MAGI2: variants seen among roughly 807,000 people sequenced by gnomAD.
The protein encoded by MAGI2 is membrane associated guanylate kinase, WW and PDZ domain containing 2, also known as membrane-associated guanylate kinase, WW and PDZ domain-containing protein 2.
Under a neutral mutation model 133.3 loss-of-function variants are expected in MAGI2, and 35 were observed. The observed-to-expected ratio is 0.26, with a 90% CI of 0.20 to 0.35. MAGI2 has a LOEUF of 0.35. MAGI2 is among the 10% of genes least tolerant of loss of function. The probability of loss-of-function intolerance (pLI) is 1.00; values close to 1 mark genes in which losing one functional copy is unlikely to be tolerated. For synonymous variants in MAGI2, 729 were observed against 710.6 expected (o/e 1.03, Z -0.41); for missense variants, 1,636 against 1,863.4 (o/e 0.88, Z 2.25).
intron 1 of MAGI2, among the ~76,000 whole-genome samples, chr7:79,036,239 A>G (rs1237858395): frequency 6.6e-6 from 1 of 152,218 alleles, no homozygotes; most frequent in Non-Finnish European, 1.5e-5. Context: ...AGGTAAGCAA[A>G]GCCAGCAAGT....
At chr7:78,607,212 G>A (rs1805909720) in intron 3 of MAGI2, among the ~76,000 whole-genome samples, 1 of 152,158 alleles carries the variant, frequency 6.6e-6, no homozygotes, top group Non-Finnish European at 1.5e-5. Context: ...CTGCAGAGGT[G>A]AGAGAAAACA....
intron 1 of MAGI2, among the ~76,000 whole-genome samples, chr7:79,083,577 G>C (rs1816239418): frequency 6.6e-6 from 1 of 151,600 alleles, no homozygotes. Flanking sequence ...AAATTTGCTA[G>C]TATTTTCTGA....
chr7:78,074,826 T>C (rs1461541965), intron 21 of MAGI2, among the ~76,000 whole-genome samples: 1 of 152,164 alleles, frequency 6.6e-6, no homozygotes, highest in Non-Finnish European at 1.5e-5. Flanking sequence ...GGGCACTCCT[T>C]GTATGTAGTG....
chr7:78,361,005 T>C (rs1792723108), intron 7 of MAGI2, among the ~76,000 whole-genome samples: 1 of 152,168 alleles, frequency 6.6e-6, no homozygotes, highest in African/African-American at 2.4e-5. Flanking sequence ...CCAGGAAGTT[T>C]CCCTGCTTCT....
At chr7:78,136,373 G>T (rs1194359149) in intron 16 of MAGI2, among the ~76,000 whole-genome samples, 1 of 152,110 alleles carries the variant, frequency 6.6e-6, no homozygotes, top group Non-Finnish European at 1.5e-5. Flanking sequence ...GCCTGCCTCG[G>T]CCTCCCAAAG....
At chr7:79,324,065 C>T (rs1481731954) in intron 1 of MAGI2, among the ~76,000 whole-genome samples, 2 of 152,044 alleles carry the variant, frequency 1.3e-5, no homozygotes, top group South Asian at 2.1e-4. Flanking sequence ...AGGGCAAATC[C>T]TCTTACAGCA....
At chr7:78,532,261 C>T (rs1330542487) in intron 3 of MAGI2, among the ~76,000 whole-genome samples, 3 of 152,102 alleles carry the variant, frequency 2.0e-5, no homozygotes, top group Admixed American at 6.5e-5. Flanking sequence ...ATTAGAAAGC[C>T]CTGAATTGAC....
chr7:78,876,005 A>G (rs1795388334), intron 2 of MAGI2, among the ~76,000 whole-genome samples: 1 of 152,190 alleles, frequency 6.6e-6, no homozygotes. Context: ...GAAACATGAT[A>G]TTACAAAATA....
chr7:79,395,764 G>A (rs1357491724), intron 1 of MAGI2, among the ~76,000 whole-genome samples: 4 of 152,068 alleles, frequency 2.6e-5, no homozygotes, highest in Non-Finnish European at 5.9e-5. Context: ...TATGACACCT[G>A]CAGCTAGACC....
chr7:79,376,967 A>C (rs948165682), intron 1 of MAGI2, among the ~76,000 whole-genome samples: 1 of 151,786 alleles, frequency 6.6e-6, no homozygotes, highest in African/African-American at 2.4e-5. Flanking sequence ...TGCTTGGTAG[A>C]GTCTACTAGG....
At chr7:79,205,753 A>T (rs970384823) in intron 1 of MAGI2, among the ~76,000 whole-genome samples, 3 of 141,212 alleles carry the variant, frequency 2.1e-5, no homozygotes, top group African/African-American at 9.5e-5. Context: ...AAAAATGTAG[A>T]GGGGTGTGTG....
chr7:79,407,074 C>T (rs1845854595), intron 1 of MAGI2, among the ~76,000 whole-genome samples: 1 of 152,046 alleles, frequency 6.6e-6, no homozygotes, highest in Non-Finnish European at 1.5e-5. Flanking sequence ...TAAAGAAAAA[C>T]ACATACATTT....
intron 2 of MAGI2, among the ~76,000 whole-genome samples, chr7:78,914,846 A>G (rs1160516243): frequency 6.6e-6 from 1 of 152,168 alleles, no homozygotes; most frequent in Non-Finnish European, 1.5e-5. Context: ...CATATTTTTC[A>G]TTAACTTGAC....
At chr7:78,499,079 C>T (rs200561033) in intron 5 of MAGI2, among the ~76,000 whole-genome samples, 1 of 121,238 alleles carries the variant, frequency 8.2e-6, no homozygotes, top group South Asian at 3.0e-4. Context: ...ACAACAACAA[C>T]AACAACAAAA....
chr7:79,241,811 C>T (rs747428261), intron 1 of MAGI2, among the ~76,000 whole-genome samples: 8 of 152,136 alleles, frequency 5.3e-5, no homozygotes, highest in Non-Finnish European at 1.2e-4. Context: ...GTGTTTCAAA[C>T]CTTTGCATTC....
intron 16 of MAGI2, among the ~76,000 whole-genome samples, chr7:78,148,012 T>C (rs1003116325): frequency 1.3e-5 from 2 of 152,116 alleles, no homozygotes; most frequent in Non-Finnish European, 2.9e-5. Context: ...TGGTACCATA[T>C]GAATCAGCAA....
intron 1 of MAGI2, among the ~76,000 whole-genome samples, chr7:79,043,213 A>G (rs1199093917): frequency 6.6e-6 from 1 of 152,016 alleles, no homozygotes; most frequent in Admixed American, 6.6e-5. Context: ...GCAAGCAGAA[A>G]AAAAGAAATA....
chr7:78,988,544 A>G (rs1220956033), intron 2 of MAGI2, among the ~76,000 whole-genome samples: 1 of 152,130 alleles, frequency 6.6e-6, no homozygotes, highest in Non-Finnish European at 1.5e-5. Context: ...TCTTGCAATT[A>G]AACCCATTAA....
At chr7:78,258,841 T>C (rs1443800506) in intron 9 of MAGI2, among the ~76,000 whole-genome samples, 1 of 152,194 alleles carries the variant, frequency 6.6e-6, no homozygotes, top group Non-Finnish European at 1.5e-5. Flanking sequence ...TCCATTCTTT[T>C]GTTAATGGAC....
Sources: gnomAD v4.1 joint callset for allele counts (sites outside exome capture counted in the v4.1 genomes callset) on GRCh38, gnomAD v4.1.1 for gene constraint, MANE v1.5 for transcripts, NCBI Gene and HGNC (gene_info 2026-07-23, HGNC 2026-07-21) for gene names.